PXDNL: variants seen among roughly 807,000 people sequenced by gnomAD.
The protein encoded by PXDNL is probable oxidoreductase PXDNL.
A neutral mutation model predicts 150.8 loss-of-function variants in PXDNL; 145 were observed. The ratio of observed to expected loss-of-function variants is 0.96; its 90% CI spans 0.84 to 1.10. PXDNL has a LOEUF of 1.10. Ranked by LOEUF, PXDNL falls within the 50% of genes least tolerant of loss-of-function variation. The probability of loss-of-function intolerance (pLI) is 0.00; values close to 1 mark genes in which losing one functional copy is unlikely to be tolerated. For missense variants in PXDNL, 2,087 were observed against 1,873.9 expected, an observed-to-expected ratio of 1.11 and a Z score of -2.10; for synonymous variants, 757 against 725.7, an observed-to-expected ratio of 1.04 and a Z score of -0.69.
At chr8:51,689,117 G>C (rs1815936135) in intron 1 of PXDNL, among the ~76,000 whole-genome samples, 1 of 152,194 alleles carries the variant, frequency 6.6e-6, no homozygotes, top group Non-Finnish European at 1.5e-5. Context: ...TCAAACAGCA[G>C]GTTGCCAGCC....
At chr8:51,365,832 G>T (rs983689778) in intron 19 of PXDNL, among the ~76,000 whole-genome samples, 1 of 152,100 alleles carries the variant, frequency 6.6e-6, no homozygotes, top group African/African-American at 2.4e-5. Context: ...ACAAAATTAT[G>T]GGAGATCATT....
intron 1 of PXDNL, among the ~76,000 whole-genome samples, chr8:51,736,390 A>C (rs553667613): frequency 9.8e-5 from 15 of 152,314 alleles, no homozygotes; most frequent in Admixed American, 2.0e-4. Flanking sequence ...TTTTAACTAA[A>C]ATAATGACCC....
At chr8:51,369,517 C>T (rs934327855) in intron 19 of PXDNL, among the ~76,000 whole-genome samples, 49 of 152,188 alleles carry the variant, frequency 3.2e-4, no homozygotes, top group Middle Eastern at 3.4e-3. Context: ...AGAAAGTACA[C>T]GGAAAAATAC....
rs532166106 is a variant in PXDNL at position 51,515,545 on chromosome 8, G to A, written c.381-15775C>T. Reference sequence around the variant, plus strand: ...TCCCTGTCCATGGCAAAAGTCCTTGGGAGCTGTGAGGAAAACACATTCCTT... The same window carrying A: ...TCCCTGTCCATGGCAAAAGTCCTTGAGAGCTGTGAGGAAAACACATTCCTT... On this transcript the variant is annotated intron_variant, in intron 4 of 22. Transcript: ENST00000356297. Among the ~76,000 whole-genome samples, 5 of 152,234 alleles carry A rather than the reference G, an allele frequency of 3.3e-5. No individual in the cohort carries two copies. The South Asian group carries it at 1.0e-3, about 32-fold the overall frequency.
Position 51,474,689 on chromosome 8 carries a change from C to G in PXDNL, c.694+283G>C, listed in dbSNP as rs367725396. Among the ~76,000 whole-genome samples the G allele has an allele frequency of 7.2e-5, 11 of 152,234 alleles. No homozygotes were observed. The East Asian group carries it at 1.7e-3, about 24-fold the overall frequency. ...AACGTTGGACACCACTTCTGGTGACCTTGTTGAAAATCAGTTTTCTCAATA... is the reference window on the plus strand; with the variant it reads ...AACGTTGGACACCACTTCTGGTGACGTTGTTGAAAATCAGTTTTCTCAATA... On this transcript the variant is annotated intron_variant, in intron 7 of 22. Coordinates refer to ENST00000356297, the MANE Select transcript of PXDNL (RefSeq NM_144651.5).
intron 1 of PXDNL, among the ~76,000 whole-genome samples, chr8:51,723,451 G>A (rs1448345505): frequency 6.6e-6 from 1 of 152,170 alleles, no homozygotes; most frequent in African/African-American, 2.4e-5. Flanking sequence ...CACTAGACAG[G>A]CAGTCCTGCA....
intron 4 of PXDNL, among the ~76,000 whole-genome samples, chr8:51,549,131 C>A (rs1812427282): frequency 1.3e-5 from 2 of 152,056 alleles, no homozygotes; most frequent in Admixed American, 1.3e-4. Flanking sequence ...AAAAATATCA[C>A]AATTTTAAAT....
chr8:51,409,551 G>T lies in PXDNL; in HGVS notation c.2073C>A (p.Tyr691Ter), dbSNP rs945628143. The change falls in exon 17 of 23, where the codon TAC becomes TAA. Residue 691 changes from tyrosine (Y) to a stop codon, truncating the protein, a stop_gained. Transcript: ENST00000356297. LOFTEE classifies it high-confidence loss of function. ...GGGAGCGCGGGGACACCAAGTCATTGTACCGGAATTCTGAAAGGCAAGCGG... is the reference window on the plus strand; with the variant it reads ...GGGAGCGCGGGGACACCAAGTCATTTTACCGGAATTCTGAAAGGCAAGCGG... ...TVDLEGKEFR[Y>*]NDLVSPRSLS... 40 of 1,573,272 alleles carry T rather than the reference G, an allele frequency of 2.5e-5. No homozygotes were observed. Among genetic ancestry groups the T allele is most frequent in the Non-Finnish European group, 3.2e-5 (37 of 1,158,308 alleles).
rs994029260 is a variant in PXDNL, at chr8:51,630,463, C to T, written c.236+24226G>A. On this transcript the variant is annotated intron_variant, in intron 2 of 22. Coordinates refer to ENST00000356297, the MANE Select transcript of PXDNL (RefSeq NM_144651.5). ...ACCTAATTAAACTAAAGAGCTTCTA[C>T]GCAGCAAAATAAAGTATCAACAGAG... 4.6e-5 allele frequency among the ~76,000 whole-genome samples: 7 copies of T among 152,002 alleles called. No individual in the cohort carries two copies. The South Asian group carries it at 6.2e-4, about 13-fold the overall frequency.
intron 5 of PXDNL, among the ~76,000 whole-genome samples, chr8:51,484,097 G>A (rs919079015): frequency 2.0e-5 from 3 of 152,120 alleles, no homozygotes; most frequent in African/African-American, 7.2e-5. Flanking sequence ...CACCTTGAAT[G>A]CATACAATTT....
At chr8:51,529,872 T>C (rs1334740776) in intron 4 of PXDNL, among the ~76,000 whole-genome samples, 1 of 152,192 alleles carries the variant, frequency 6.6e-6, no homozygotes, top group Non-Finnish European at 1.5e-5. Flanking sequence ...TGAGGGGCTG[T>C]CCCATGCTTG....
intron 4 of PXDNL, 103 bp from the exon 5 acceptor site, chr8:51,499,873 G>A: frequency 1.3e-6 from 1 of 762,252 alleles, no homozygotes; most frequent in Non-Finnish European, 2.3e-6. Flanking sequence ...AATTTCACTG[G>A]CCCCAACCAC....
At chr8:51,659,801 C>A (rs1563498643) in intron 1 of PXDNL, among the ~76,000 whole-genome samples, 1 of 152,068 alleles carries the variant, frequency 6.6e-6, no homozygotes, top group East Asian at 1.9e-4. Context: ...AATAAACAAA[C>A]AGAAATTTAA....
Position 51,655,528 on chromosome 8 carries a change from G to A in PXDNL, c.165-768C>T, listed in dbSNP as rs578070223. Among the ~76,000 whole-genome samples, 2 of 152,264 alleles carry A rather than the reference G, an allele frequency of 1.3e-5. 1 individual carries two copies. Among genetic ancestry groups the A allele is most frequent in the South Asian group, 4.1e-4 (2 of 4,824 alleles). On this transcript the variant is annotated intron_variant, in intron 1 of 22. Coordinates refer to ENST00000356297, the MANE Select transcript of PXDNL (RefSeq NM_144651.5). ...ATGCCATGCACACTTGGAAGACTTA[G>A]GGACTGCTCTGCCTAGAGCCCCTCT... is the stretch of plus-strand genomic sequence containing the variant.
chr8:51,596,879 T>C (rs750930721), intron 2 of PXDNL, among the ~76,000 whole-genome samples: 1 of 152,222 alleles, frequency 6.6e-6, no homozygotes, highest in Non-Finnish European at 1.5e-5. Context: ...GTTTTTAGTT[T>C]ATTTTGCTGT....
At chr8:51,552,119 C>G (rs1318710272) in intron 4 of PXDNL, among the ~76,000 whole-genome samples, 4 of 152,116 alleles carry the variant, frequency 2.6e-5, no homozygotes, top group African/African-American at 7.2e-5. Context: ...ATCAAAACCA[C>G]AATGCGATAC....
chr8:51,495,267 A>C (rs1811017808), intron 5 of PXDNL, among the ~76,000 whole-genome samples: 1 of 152,204 alleles, frequency 6.6e-6, no homozygotes, highest in African/African-American at 2.4e-5. Context: ...AATCTCTGGG[A>C]CACATTCAAA....
intron 1 of PXDNL, among the ~76,000 whole-genome samples, chr8:51,661,847 CTT>C (rs5891426): frequency 1.0e-4 from 14 of 140,534 alleles, no homozygotes; most frequent in Non-Finnish European, 1.1e-4. Context: ...TCTTTCTTTT[CTT>C]TTTTTTTTTT....
intron 1 of PXDNL, among the ~76,000 whole-genome samples, chr8:51,708,371 G>A (rs1165666057): frequency 6.6e-6 from 1 of 152,220 alleles, no homozygotes; most frequent in Non-Finnish European, 1.5e-5. Flanking sequence ...TCTTCCATAA[G>A]CACCTACTGT....
Sources: allele counts gnomAD v4.1 joint callset (sites outside exome capture counted in the v4.1 genomes callset), GRCh38; gene constraint gnomAD v4.1.1; transcripts MANE v1.5; gene names NCBI Gene and HGNC (gene_info 2026-07-23, HGNC 2026-07-21).